The following TAB2 variants were observed in gnomAD, a reference collection of about 807,000 sequenced individuals.
The protein encoded by TAB2 is TGF-beta-activated kinase 1 and MAP3K7-binding protein 2.
In TAB2, 3 loss-of-function variants were observed where a neutral mutation model predicts 65.0. The observed-to-expected ratio is 0.05, with a 90% confidence interval of 0.02 to 0.12. The LOEUF (loss-of-function observed/expected upper bound fraction) is 0.12, where lower values mean the gene tolerates loss of function less well. TAB2 is among the 10% of genes least tolerant of loss of function. The probability of loss-of-function intolerance (pLI) is 1.00; values close to 1 mark genes in which losing one functional copy is unlikely to be tolerated. For synonymous variants in TAB2, 298 were observed against 285.1 expected, an observed-to-expected ratio of 1.05 and a Z score of -0.46; for missense variants, 623 against 840.3, an observed-to-expected ratio of 0.74 and a Z score of 3.20.
intron 3 of TAB2, among the ~76,000 whole-genome samples, chr6:149,384,867 TA>T (rs929838345): frequency 1.3e-5 from 2 of 151,930 alleles, no homozygotes; most frequent in Admixed American, 6.6e-5. Context: ...CAGAAACTCT[TA>T]AAAAAAACTA....
At chr6:149,311,417 AC>A (rs1779165181) in intron 1 of TAB2, among the ~76,000 whole-genome samples, 1 of 152,214 alleles carries the variant, frequency 6.6e-6, no homozygotes, top group Admixed American at 6.5e-5. Flanking sequence ...TTTCTCTTAA[AC>A]TGTCTACCCG....
intron 1 of TAB2, among the ~76,000 whole-genome samples, chr6:149,352,832 C>T (rs921690960): frequency 3.8e-4 from 58 of 152,112 alleles, no homozygotes; most frequent in Non-Finnish European, 5.3e-4. Flanking sequence ...CAGGATGAAG[C>T]CCAGTGATTT....
At chr6:149,402,472 T>C (rs186429917) in intron 6 of TAB2, among the ~76,000 whole-genome samples, 1 of 152,236 alleles carries the variant, frequency 6.6e-6, no homozygotes, top group Admixed American at 6.5e-5. Context: ...ATATCCAGCA[T>C]GGATTTAGAA....
upstream of TAB2, among the ~76,000 whole-genome samples, chr6:149,315,277 G>A (rs915057575): frequency 6.6e-6 from 1 of 152,120 alleles, no homozygotes; most frequent in East Asian, 1.9e-4. Flanking sequence ...AAAAACATCC[G>A]GATTCACCAA....
intron 1 of TAB2, among the ~76,000 whole-genome samples, chr6:149,260,614 A>C (rs1337576395): frequency 1.3e-5 from 2 of 152,210 alleles, no homozygotes; most frequent in Non-Finnish European, 2.9e-5. Flanking sequence ...GAAGCCACTA[A>C]AGAGCACGGT....
At chr6:149,324,300 G>A (rs762293038) in intron 1 of TAB2, among the ~76,000 whole-genome samples, 1 of 151,974 alleles carries the variant, frequency 6.6e-6, no homozygotes, top group Non-Finnish European at 1.5e-5. Context: ...TAATAGACTT[G>A]TTTAAAATAA....
intron 1 of TAB2, among the ~76,000 whole-genome samples, chr6:149,254,252 C>T (rs961564003): frequency 1.4e-4 from 22 of 152,174 alleles, no homozygotes; most frequent in Admixed American, 3.3e-4. Context: ...ACAAAGTCAT[C>T]TATGGAGGAG....
At chr6:149,372,257 G>A (rs927122081) in intron 2 of TAB2, 3 of 152,126 alleles carry the variant, frequency 2.0e-5, no homozygotes, top group Non-Finnish European at 2.9e-5. Flanking sequence ...ACAAGATGCA[G>A]AGCAGAGTAT....
At chr6:149,372,335 C>T (rs1733323733) in intron 2 of TAB2, 1 of 152,102 alleles carries the variant, frequency 6.6e-6, no homozygotes, top group African/African-American at 2.4e-5. Context: ...TAAAGAAATA[C>T]TGGAAGAATT....
At chr6:149,380,703 A>G (rs1487312943) in intron 3 of TAB2, among the ~76,000 whole-genome samples, 4 of 152,228 alleles carry the variant, frequency 2.6e-5, no homozygotes, top group Admixed American at 1.3e-4. Flanking sequence ...ATGTATCTGC[A>G]GTGAATCATT....
At chr6:149,251,840 A>C (rs1777869051) in intron 1 of TAB2, among the ~76,000 whole-genome samples, 1 of 152,246 alleles carries the variant, frequency 6.6e-6, no homozygotes, top group African/African-American at 2.4e-5. Flanking sequence ...AGTCTCTAGA[A>C]AATCATTGTA....
chr6:149,406,628 T>G (rs781636036), intron 6 of TAB2, among the ~76,000 whole-genome samples: 2 of 152,216 alleles, frequency 1.3e-5, no homozygotes, highest in Non-Finnish European at 2.9e-5. Context: ...AGTATATTAC[T>G]GGTCTTTAGT....
At chr6:149,398,258 A>G (rs1300072758) in intron 5 of TAB2, among the ~76,000 whole-genome samples, 196 bp downstream of exon 5, 1 of 152,218 alleles carries the variant, frequency 6.6e-6, no homozygotes, top group Non-Finnish European at 1.5e-5. Flanking sequence ...TAAAATATAG[A>G]AGATAGTAAA....
chr6:149,339,701 C>T (rs1422990552), intron 1 of TAB2, among the ~76,000 whole-genome samples: 2 of 150,988 alleles, frequency 1.3e-5, no homozygotes, highest in Admixed American at 1.3e-4. Context: ...CAGGTTCAAG[C>T]GATTCTCCTA....
At chr6:149,259,349 A>ACACACG (rs1778105448) in intron 1 of TAB2, among the ~76,000 whole-genome samples, 1 of 150,932 alleles carries the variant, frequency 6.6e-6, no homozygotes, top group Non-Finnish European at 1.5e-5. Flanking sequence ...ACACACACAC[A>ACACACG]CACACACACA....
intron 6 of TAB2, chr6:149,400,326 A>C: frequency 6.5e-7 from 1 of 1,542,138 alleles, no homozygotes; most frequent in South Asian, 1.2e-5. Context: ...CTGCTCGTGT[A>C]CTCGTTAGGT....
At chr6:149,380,745 T>C (rs369766520) in intron 3 of TAB2, among the ~76,000 whole-genome samples, 6 of 152,372 alleles carry the variant, frequency 3.9e-5, no homozygotes, top group East Asian at 3.8e-4. Flanking sequence ...GAAAATACTA[T>C]AACATCACCC....
intron 1 of TAB2, among the ~76,000 whole-genome samples, chr6:149,309,274 T>TTACATATACTG (rs1210427403): frequency 6.6e-6 from 1 of 152,162 alleles, no homozygotes; most frequent in African/African-American, 2.4e-5. Context: ...ATATGCTGTT[T>TTACATATACTG]TACATATGCT....
chr6:149,255,943 A>AGGAAAAG (rs1778022293), intron 1 of TAB2, among the ~76,000 whole-genome samples: 1 of 152,046 alleles, frequency 6.6e-6, no homozygotes, highest in African/African-American at 2.4e-5. Flanking sequence ...GGCAGGAAAA[A>AGGAAAAG]GGAGAAAAAG....
Sources: gnomAD v4.1 joint callset for allele counts (sites outside exome capture counted in the v4.1 genomes callset) on GRCh38, gnomAD v4.1.1 for gene constraint, MANE v1.5 for transcripts, NCBI Gene and HGNC (gene_info 2026-07-23, HGNC 2026-07-21) for gene names.